The following AGBL1 variants were observed in gnomAD, a reference collection of about 807,000 sequenced individuals.
AGBL1 encodes cytosolic carboxypeptidase 4.
AGBL1 carries 130 observed loss-of-function variants against 118.9 expected under a neutral mutation model. The ratio of observed to expected loss-of-function variants is 1.09; its 90% CI spans 0.95 to 1.26. AGBL1 has a LOEUF of 1.26. Ranked by LOEUF, AGBL1 falls within the 50% of genes most tolerant of loss-of-function variation. The pLI, the probability that AGBL1 is intolerant of heterozygous loss-of-function variation, is 0.00. For missense variants in AGBL1, 1,584 were observed against 1,298.1 expected (o/e 1.22, Z -3.38); for synonymous variants, 555 against 478.9 (o/e 1.16, Z -2.08).
chr15:86,581,716 C>T (rs1405080045), intron 21 of AGBL1, among the ~76,000 whole-genome samples: 1 of 152,102 alleles, frequency 6.6e-6, no homozygotes, highest in East Asian at 1.9e-4. Context: ...AAATCTTCCT[C>T]TCCCCCAAAT....
chr15:86,109,146 G>A (rs890275602), intron 1 of AGBL1, among the ~76,000 whole-genome samples: 4 of 152,096 alleles, frequency 2.6e-5, no homozygotes, highest in African/African-American at 9.7e-5. Context: ...TACTTGGTAG[G>A]TACTCATTAA....
intron 18 of AGBL1, among the ~76,000 whole-genome samples, chr15:86,475,326 A>G (rs1457255395): frequency 6.6e-6 from 1 of 152,190 alleles, no homozygotes; most frequent in Non-Finnish European, 1.5e-5. Context: ...AAAACCTTGA[A>G]AAAAGATTAG....
At chr15:86,404,074 TC>T (rs759377742) in intron 18 of AGBL1, among the ~76,000 whole-genome samples, 4 of 152,162 alleles carry the variant, frequency 2.6e-5, no homozygotes, top group Admixed American at 2.0e-4. Flanking sequence ...TATCAGGTCT[TC>T]CCAACCTTGG....
Position 86,988,023 on chromosome 15 carries a change from G to A in AGBL1, c.3258G>A (p.Trp1086Ter). Residue 1086 changes from tryptophan to a stop codon, truncating the protein, a stop_gained, in exon 24 of 25, where the codon TGG becomes TGA. Transcript: ENST00000441037. LOFTEE classifies it high-confidence loss of function. ...CCAATTTCCTGCCAAAGCATATTTG[G>A]TTTGCTTACCACTTTTTTGCCATTA... 6.2e-7 allele frequency: 1 copy of A among 1,613,292 alleles called. No individual in the cohort carries two copies. The highest frequency in any genetic ancestry group is 8.5e-7 in the Non-Finnish European group (1 of 1,179,638).
At chr15:86,244,377 C>T (rs2078687881) in intron 6 of AGBL1, among the ~76,000 whole-genome samples, 1 of 152,136 alleles carries the variant, frequency 6.6e-6, no homozygotes, top group South Asian at 2.1e-4. Context: ...GTTGCTGATC[C>T]CAGTGACCCT....
intron 21 of AGBL1, among the ~76,000 whole-genome samples, chr15:86,572,836 T>C (rs2084030651): frequency 6.6e-6 from 1 of 152,248 alleles, no homozygotes; most frequent in African/African-American, 2.4e-5. Flanking sequence ...CCTGGAATTT[T>C]CTATTCTCCT....
At chr15:86,576,906 A>G (rs1007809118) in intron 21 of AGBL1, among the ~76,000 whole-genome samples, 1 of 152,142 alleles carries the variant, frequency 6.6e-6, no homozygotes, top group African/African-American at 2.4e-5. Flanking sequence ...CCATGTGGTA[A>G]CCGTAAGTCC....
intron 23 of AGBL1, among the ~76,000 whole-genome samples, chr15:86,981,771 A>G (rs2081233861): frequency 6.6e-6 from 1 of 152,196 alleles, no homozygotes; most frequent in Admixed American, 6.5e-5. Flanking sequence ...CAGAAAAATG[A>G]AAGTTGCCTT....
intron 21 of AGBL1, among the ~76,000 whole-genome samples, chr15:86,646,217 C>A (rs536348599): frequency 6.6e-6 from 1 of 152,252 alleles, no homozygotes; most frequent in Non-Finnish European, 1.5e-5. Flanking sequence ...TGGTGTCAGG[C>A]ATTATGGGTA....
intron 21 of AGBL1, among the ~76,000 whole-genome samples, chr15:86,655,160 T>C (rs1283886938): frequency 6.6e-6 from 1 of 152,284 alleles, no homozygotes; most frequent in East Asian, 1.9e-4. Flanking sequence ...TCTCCGGAAA[T>C]GCATTCTTCC....
At chr15:86,987,852 T>C in intron 23 of AGBL1, 1 of 847,802 alleles carries the variant, frequency 1.2e-6, no homozygotes, top group Non-Finnish European at 1.7e-6. Context: ...ATGTTGCTGG[T>C]ATCTTACTAT....
chr15:86,899,880 A>G (rs1224438755), intron 22 of AGBL1, among the ~76,000 whole-genome samples: 1 of 152,126 alleles, frequency 6.6e-6, no homozygotes, highest in African/African-American at 2.4e-5. Flanking sequence ...GGAGATTAAC[A>G]TTTGAGTCAG....
intron 24 of AGBL1, among the ~76,000 whole-genome samples, chr15:86,989,264 G>A (rs907775075): frequency 6.6e-6 from 1 of 152,056 alleles, no homozygotes; most frequent in African/African-American, 2.4e-5. Flanking sequence ...GCTTCCCAAA[G>A]TGCTGGGATT....
At chr15:86,625,323 C>G (rs1398810016) in intron 21 of AGBL1, among the ~76,000 whole-genome samples, 2 of 123,248 alleles carry the variant, frequency 1.6e-5, no homozygotes, top group Non-Finnish European at 3.4e-5. Flanking sequence ...ATTACTTTCT[C>G]TTTTTTTGGC....
At chr15:86,556,203 A>G in intron 21 of AGBL1, 1 of 1,605,256 alleles carries the variant, frequency 6.2e-7, no homozygotes, top group Non-Finnish European at 8.5e-7. Context: ...TCAGGCCCTC[A>G]CCAACTCTCT....
chr15:86,260,376 G>A (rs2142022559), intron 9 of AGBL1, among the ~76,000 whole-genome samples: 1 of 152,294 alleles, frequency 6.6e-6, no homozygotes, highest in South Asian at 2.1e-4. Context: ...GGCTATGAGA[G>A]TGGAAAGTAG....
chr15:86,309,006 G>A (rs183923886), intron 17 of AGBL1, among the ~76,000 whole-genome samples: 1 of 152,304 alleles, frequency 6.6e-6, no homozygotes, highest in East Asian at 1.9e-4. Flanking sequence ...TCTGTAGATT[G>A]CTTTGGATAG....
rs1196653814 is a variant in AGBL1, at chr15:86,270,033, C to T, written c.1953C>T (p.Ile651=). The T allele has an allele frequency of 6.2e-7, 1 of 1,612,914 alleles. No homozygotes were observed. The highest frequency in any genetic ancestry group is 8.5e-7 in the Non-Finnish European group (1 of 1,179,506). Residue 651 remains isoleucine (I), a synonymous_variant, in exon 14 of 23, where the codon ATC becomes ATT. Coordinates refer to ENST00000614907, the MANE Select transcript of AGBL1 (RefSeq NM_001386094.1). The part of the protein sequence containing the change: ...QAAIPYHFNI[I]NCEKPNSQFN... ...CCATCCCTTACCACTTCAACATCATCAACTGTGAGAAGCCCAACAGCCAGT... is the reference window on the plus strand; with the variant it reads ...CCATCCCTTACCACTTCAACATCATTAACTGTGAGAAGCCCAACAGCCAGT...
Position 86,670,918 on chromosome 15 carries a change from T to A in AGBL1, c.2995-3355T>A, listed in dbSNP as rs569746340. ...GAGTTATCAAGAAAAGTTGTTTAAATCAGAGAGGGTTGTACTGGTTAGCTT... is the reference window on the plus strand; with the variant it reads ...GAGTTATCAAGAAAAGTTGTTTAAAACAGAGAGGGTTGTACTGGTTAGCTT... On this transcript the variant is annotated intron_variant, in intron 21 of 22. Transcript: ENST00000614907. 6.7e-3 allele frequency among the ~76,000 whole-genome samples: 1,018 copies of A among 152,132 alleles called. 8 individuals carry two copies. Among genetic ancestry groups the A allele is most frequent in the East Asian group, 0.021 (106 of 5,142 alleles).
Sources: gnomAD v4.1 joint callset for allele counts (sites outside exome capture counted in the v4.1 genomes callset) on GRCh38, gnomAD v4.1.1 for gene constraint, MANE v1.5 for transcripts, NCBI Gene and HGNC (gene_info 2026-07-23, HGNC 2026-07-21) for gene names.